PLXNA4: variants seen among roughly 807,000 people sequenced by gnomAD.
The protein encoded by PLXNA4 is plexin-A4.
A neutral mutation model predicts 191.8 loss-of-function variants in PLXNA4; 44 were observed. That is an observed-to-expected ratio of 0.23 (90% CI 0.18 to 0.29). The LOEUF is 0.29. Ranked by LOEUF, PLXNA4 falls within the 10% of genes least tolerant of loss-of-function variation. The pLI is 1.00. For missense variants in PLXNA4, 1,800 were observed against 2,488.8 expected, an observed-to-expected ratio of 0.72 and a Z score of 5.89; for synonymous variants, 1,082 against 1,009.5, an observed-to-expected ratio of 1.07 and a Z score of -1.36.
At position 132,165,219 on chromosome 7, in the gene PLXNA4, G is replaced by A. The variant is rs370123025; in HGVS notation, c.4287-19C>T. The A allele has an allele frequency of 7.5e-6, 12 of 1,608,272 alleles. No homozygotes were observed. In the Middle Eastern group the frequency reaches 8.3e-4, roughly 111 times the overall value. Reference sequence around the variant, plus strand: ...CTCAGTCCTGTCAGCAGTCACCGAGGGAACCAACGGAACAAGACAAAGAAA... The same window carrying A: ...CTCAGTCCTGTCAGCAGTCACCGAGAGAACCAACGGAACAAGACAAAGAAA... On this transcript the variant is annotated intron_variant, in intron 22 of 31. Coordinates refer to ENST00000321063, the MANE Select transcript of PLXNA4 (RefSeq NM_020911.2).
chr7:132,288,680 G>A (rs763495257), intron 4 of PLXNA4, among the ~76,000 whole-genome samples: 13 of 152,124 alleles, frequency 8.5e-5, no homozygotes, highest in Non-Finnish European at 1.9e-4. Context: ...TGTACAGCTC[G>A]GCCCCCACAG....
intron 3 of PLXNA4, among the ~76,000 whole-genome samples, chr7:132,403,347 A>G (rs910904847): frequency 6.6e-6 from 1 of 152,210 alleles, no homozygotes; most frequent in Non-Finnish European, 1.5e-5. Context: ...GTTGAAAAAG[A>G]GAAGTCAGGC....
rs748871624 is a variant in PLXNA4 at position 132,496,421 on chromosome 7, TA to T, written c.1189-6948del. ...AAACAAAAAAGCCTGATTTTTTTTT[TA>T]GATGGAGTCCTGCTCTGTTACCAGG... is the stretch of plus-strand genomic sequence containing the variant. On this transcript the variant is annotated intron_variant, in intron 2 of 31. Transcript: ENST00000321063. Among the ~76,000 whole-genome samples, 150 of 152,126 alleles carry T rather than the reference TA, an allele frequency of 9.9e-4. 1 individual carries two copies. The Middle Eastern group carries it at 0.024, about 24-fold the overall frequency.
At chr7:132,189,920 T>TG (rs1554385232) in intron 14 of PLXNA4, among the ~76,000 whole-genome samples, 1 of 152,008 alleles carries the variant, frequency 6.6e-6, no homozygotes, top group Non-Finnish European at 1.5e-5. Context: ...ATCTCCTTCC[T>TG]AAAGTCTTCC....
intron 18 of PLXNA4, 25 bp downstream of exon 18, chr7:132,181,356 C>G: frequency 6.2e-7 from 1 of 1,612,894 alleles, no homozygotes; most frequent in Non-Finnish European, 8.5e-7. Flanking sequence ...TTTCCCACCC[C>G]CGCCTCCCAC....
At chr7:132,209,886 G>A (rs1393433953) in intron 10 of PLXNA4, among the ~76,000 whole-genome samples, 1 of 152,196 alleles carries the variant, frequency 6.6e-6, no homozygotes, top group East Asian at 1.9e-4. Flanking sequence ...GTGTGACCTT[G>A]AGCAAGTCAC....
At chr7:132,199,257 T>C (rs555332343) in intron 12 of PLXNA4, among the ~76,000 whole-genome samples, 12 of 152,286 alleles carry the variant, frequency 7.9e-5, no homozygotes, top group Non-Finnish European at 1.3e-4. Context: ...TCAGTAACCA[T>C]CTTTATGTCT....
In PLXNA4 at chr7:132,405,072, A is replaced by ATGTGTGTG. The variant is rs55647746; in HGVS notation, c.1371+84212_1371+84219dup. 4.5e-4 allele frequency among the ~76,000 whole-genome samples: 67 copies of ATGTGTGTG among 149,212 alleles called. No homozygotes were observed. The South Asian group carries it at 8.3e-3, about 19-fold the overall frequency. On this transcript the variant is annotated intron_variant, in intron 3 of 31. Coordinates refer to ENST00000321063, the MANE Select transcript of PLXNA4 (RefSeq NM_020911.2). ...CAGCTGAGGGTATGTGTGTGTGTGT[A>ATGTGTGTG]TGTGTGTGTGTGTGTGTGTGCATGT...
At chr7:132,416,405 T>TA (rs1248199686) in intron 3 of PLXNA4, among the ~76,000 whole-genome samples, 1 of 152,206 alleles carries the variant, frequency 6.6e-6, no homozygotes, top group Non-Finnish European at 1.5e-5. Context: ...TTTCATACAT[T>TA]ACAATAAGGC....
chr7:132,621,873 G>C (rs552959680), intron 2 of PLXNA4, among the ~76,000 whole-genome samples: 2 of 152,278 alleles, frequency 1.3e-5, no homozygotes, highest in Admixed American at 6.5e-5. Flanking sequence ...GGAGTATTCT[G>C]AATGTGGAAA....
At chr7:132,375,431 C>G (rs1804622170) in intron 3 of PLXNA4, among the ~76,000 whole-genome samples, 1 of 152,192 alleles carries the variant, frequency 6.6e-6, no homozygotes, top group Non-Finnish European at 1.5e-5. Context: ...CTCCCCAGCC[C>G]CAGTTCCACT....
intron 3 of PLXNA4, among the ~76,000 whole-genome samples, chr7:132,348,885 G>A (rs1803360990): frequency 2.0e-5 from 3 of 152,132 alleles, no homozygotes; most frequent in Admixed American, 6.5e-5. Context: ...TGGGAGAAAG[G>A]TGGAAAAAAT....
At chr7:132,312,479 G>C in intron 3 of PLXNA4, among the ~76,000 whole-genome samples, 1 of 152,092 alleles carries the variant, frequency 6.6e-6, no homozygotes, top group East Asian at 1.9e-4. Flanking sequence ...AGAGTCAGGG[G>C]ATGGCACATT....
intron 1 of PLXNA4, among the ~76,000 whole-genome samples, chr7:132,547,900 C>T (rs75804934): frequency 6.6e-6 from 1 of 152,168 alleles, no homozygotes; most frequent in Non-Finnish European, 1.5e-5. Flanking sequence ...TCTTTGTAGC[C>T]ACAACTACAG....
intron 2 of PLXNA4, among the ~76,000 whole-genome samples, chr7:132,582,710 C>T (rs777997919): frequency 6.6e-6 from 1 of 152,188 alleles, no homozygotes; most frequent in Non-Finnish European, 1.5e-5. Context: ...TCCCAGACAT[C>T]ATGGAGCAGA....
intron 13 of PLXNA4, among the ~76,000 whole-genome samples, chr7:132,195,950 A>T (rs935858826): frequency 6.6e-6 from 1 of 152,222 alleles, no homozygotes; most frequent in Non-Finnish European, 1.5e-5. Context: ...TCTTAGAAAC[A>T]ACTTTTGAGT....
intron 4 of PLXNA4, among the ~76,000 whole-genome samples, chr7:132,280,497 A>G (rs1800438736): frequency 6.6e-6 from 1 of 152,248 alleles, no homozygotes; most frequent in Non-Finnish European, 1.5e-5. Flanking sequence ...CCCTGCCAGC[A>G]TTAATGGCCA....
chr7:132,274,766 C>CTTT (rs3057256), intron 4 of PLXNA4, among the ~76,000 whole-genome samples: 1,177 of 106,172 alleles, frequency 0.011, 36 homozygotes, highest in African/African-American at 0.04. Flanking sequence ...TCAGTGCATC[C>CTTT]TTTTTTTTTT....
intron 3 of PLXNA4, among the ~76,000 whole-genome samples, chr7:132,464,633 C>T (rs551014921): frequency 9.9e-5 from 15 of 152,174 alleles, no homozygotes; most frequent in East Asian, 1.9e-4. Context: ...AAATGTAACC[C>T]GAGATTCACA....
Sources: allele counts gnomAD v4.1 joint callset (sites outside exome capture counted in the v4.1 genomes callset), GRCh38; gene constraint gnomAD v4.1.1; transcripts MANE v1.5; gene names NCBI Gene and HGNC (gene_info 2026-07-23, HGNC 2026-07-21).